ATRNL1: variants seen among roughly 807,000 people sequenced by gnomAD.
ATRNL1 encodes attractin-like protein 1.
In ATRNL1, 95 loss-of-function variants were observed where a neutral mutation model predicts 182.7. That is an observed-to-expected ratio of 0.52 (90% CI 0.44 to 0.62). ATRNL1 has a LOEUF of 0.62. Among genes scored for constraint, ATRNL1 ranks in the 20% least tolerant of loss-of-function variants. ATRNL1 has a pLI of 0.00. For missense variants in ATRNL1, 1,471 were observed against 1,679.5 expected (o/e 0.88, Z 2.17); for synonymous variants, 576 against 568.3 (o/e 1.01, Z -0.19).
At chr10:115,581,234 C>G (rs1188026148) in intron 26 of ATRNL1, among the ~76,000 whole-genome samples, 5 of 151,972 alleles carry the variant, frequency 3.3e-5, no homozygotes, top group Admixed American at 3.3e-4. Context: ...TTATGCTTAT[C>G]TTAATCTCTT....
chr10:115,837,241 G>A (rs1950695819), intron 27 of ATRNL1, among the ~76,000 whole-genome samples: 1 of 152,038 alleles, frequency 6.6e-6, no homozygotes, highest in South Asian at 2.1e-4. Context: ...GGCCACATAA[G>A]GACTCCACGT....
At chr10:115,923,724 T>C (rs1315764883) in intron 28 of ATRNL1, among the ~76,000 whole-genome samples, 4 of 152,216 alleles carry the variant, frequency 2.6e-5, no homozygotes, top group African/African-American at 9.6e-5. Context: ...TACATGTGCA[T>C]GTGTCTTTAT....
rs201399857 is a variant in ATRNL1, at chr10:115,645,287, A to T, written c.3796-81961A>T. On this transcript the variant is annotated intron_variant, in intron 26 of 28. Transcript: ENST00000355044. ...TTTAAGCCCATAACTCATTTTTTTT[A>T]AAAAAAGTATTCTCTTCATCTAAAT... Among the ~76,000 whole-genome samples the T allele has an allele frequency of 7.0e-4, 99 of 140,950 alleles. 1 individual carries two copies. Among genetic ancestry groups the T allele is most frequent in the African/African-American group, 1.0e-3 (41 of 39,558 alleles). The allele number at this position is 140,950 out of a possible 152,430, so 92.5% of individuals were successfully genotyped here. A position where few individuals can be genotyped will look rare whatever the true frequency, so the allele number is the denominator to read the frequency against.
intron 20 of ATRNL1, among the ~76,000 whole-genome samples, chr10:115,405,113 G>C (rs1844755850): frequency 6.6e-6 from 1 of 152,092 alleles, no homozygotes; most frequent in Non-Finnish European, 1.5e-5. Flanking sequence ...CAAAGAAAGA[G>C]ACAGCACTTT....
intron 26 of ATRNL1, among the ~76,000 whole-genome samples, chr10:115,625,555 G>A (rs1318499038): frequency 1.3e-5 from 2 of 151,892 alleles, no homozygotes; most frequent in Non-Finnish European, 2.9e-5. Context: ...AGAAAAAATA[G>A]ACCATGAATA....
At chr10:115,431,508 G>T (rs556349885) in intron 21 of ATRNL1, among the ~76,000 whole-genome samples, 2 of 152,004 alleles carry the variant, frequency 1.3e-5, no homozygotes, top group African/African-American at 4.8e-5. Context: ...TCAGCTGTTT[G>T]GTTGCTTATT....
chr10:115,616,865 G>T (rs1162692355), intron 26 of ATRNL1, among the ~76,000 whole-genome samples: 1 of 152,228 alleles, frequency 6.6e-6, no homozygotes, highest in Non-Finnish European at 1.5e-5. Context: ...GCAGAAGCTG[G>T]CTGGACTGCA....
At chr10:115,451,311 A>G (rs1397281679) in intron 21 of ATRNL1, among the ~76,000 whole-genome samples, 1 of 152,170 alleles carries the variant, frequency 6.6e-6, no homozygotes, top group Non-Finnish European at 1.5e-5. Context: ...AGAAACTATC[A>G]ACAGAAACTA....
At chr10:115,379,856 T>G (rs1857893279) in intron 19 of ATRNL1, among the ~76,000 whole-genome samples, 1 of 152,224 alleles carries the variant, frequency 6.6e-6, no homozygotes, top group Admixed American at 6.5e-5. Flanking sequence ...AGACGGAGTC[T>G]TGCTCTGTGG....
chr10:115,719,235 TA>T (rs1404465447), intron 26 of ATRNL1, among the ~76,000 whole-genome samples: 1 of 152,196 alleles, frequency 6.6e-6, no homozygotes, highest in African/African-American at 2.4e-5. Context: ...ATTAAGACTT[TA>T]CAGAAAAATA....
At chr10:115,114,058 A>G (rs1408175190) in intron 1 of ATRNL1, among the ~76,000 whole-genome samples, 3 of 152,148 alleles carry the variant, frequency 2.0e-5, no homozygotes, top group African/African-American at 7.2e-5. Context: ...AAACAGACAA[A>G]TTGACCCATG....
At chr10:115,349,533 TA>T (rs1214867393) in intron 19 of ATRNL1, among the ~76,000 whole-genome samples, 3 of 152,220 alleles carry the variant, frequency 2.0e-5, no homozygotes, top group Admixed American at 6.5e-5. Context: ...GGAACTTCCA[TA>T]AACCTCCATA....
At chr10:115,801,796 A>G (rs1449366527) in intron 27 of ATRNL1, among the ~76,000 whole-genome samples, 1 of 152,094 alleles carries the variant, frequency 6.6e-6, no homozygotes, top group Non-Finnish European at 1.5e-5. Flanking sequence ...CCTTTCAGAA[A>G]CTTTTTGAAA....
At chr10:115,164,548 A>G (rs992953839) in intron 6 of ATRNL1, among the ~76,000 whole-genome samples, 26 of 152,156 alleles carry the variant, frequency 1.7e-4, no homozygotes, top group African/African-American at 5.5e-4. Context: ...TTGCAGCACT[A>G]TTTACAATAG....
intron 28 of ATRNL1, among the ~76,000 whole-genome samples, chr10:115,930,885 CAGTT>C (rs1263417485): frequency 1.3e-5 from 2 of 152,148 alleles, no homozygotes; most frequent in Non-Finnish European, 2.9e-5. Context: ...CATCTTCTCT[CAGTT>C]AGCACTTGAA....
At chr10:115,869,488 T>C (rs1951525893) in intron 28 of ATRNL1, among the ~76,000 whole-genome samples, 1 of 151,798 alleles carries the variant, frequency 6.6e-6, no homozygotes, top group Non-Finnish European at 1.5e-5. Context: ...ACAGGGGAGG[T>C]GGAAGAGGGG....
At chr10:115,532,578 C>G (rs559127788) in intron 25 of ATRNL1, among the ~76,000 whole-genome samples, 191 of 151,586 alleles carry the variant, frequency 1.3e-3, no homozygotes, top group Non-Finnish European at 2.2e-3. Context: ...CAAACAGGGA[C>G]AATTTGACTT....
chr10:115,243,389 CTATT>C (rs1850502632), intron 10 of ATRNL1, among the ~76,000 whole-genome samples: 2 of 151,994 alleles, frequency 1.3e-5, no homozygotes, highest in Non-Finnish European at 2.9e-5. Flanking sequence ...CTAATTACTA[CTATT>C]TATTTAATTT....
At chr10:115,911,187 A>G in intron 28 of ATRNL1, among the ~76,000 whole-genome samples, 1 of 152,116 alleles carries the variant, frequency 6.6e-6, no homozygotes, top group East Asian at 1.9e-4. Flanking sequence ...TATAGTAGAT[A>G]GAGGGCTCTG....
Sources: allele counts gnomAD v4.1 joint callset (sites outside exome capture counted in the v4.1 genomes callset), GRCh38; gene constraint gnomAD v4.1.1; transcripts MANE v1.5; gene names NCBI Gene and HGNC (gene_info 2026-07-23, HGNC 2026-07-21).